Variants in MYO18A observed in about 807,000 individuals in gnomAD.
MYO18A encodes myosin XVIIIA.
In MYO18A, 78 loss-of-function variants were observed where a neutral mutation model predicts 235.8. The ratio of observed to expected loss-of-function variants is 0.33; its 90% CI spans 0.28 to 0.40. MYO18A has a LOEUF of 0.40. Among genes scored for constraint, MYO18A ranks in the 10% least tolerant of loss-of-function variants. MYO18A has a pLI of 1.00. For missense variants in MYO18A, 2,215 were observed against 2,699.3 expected (o/e 0.82, Z 3.98); for synonymous variants, 977 against 1,077.8 (o/e 0.91, Z 1.83).
rs1208639219 is a variant in MYO18A at position 29,120,474 on chromosome 17, C to G, written c.1728+142G>C. 1.8e-6 allele frequency: 2 copies of G among 1,126,842 alleles called. No individual in the cohort carries two copies. The highest frequency in any genetic ancestry group is 1.2e-6 in the Non-Finnish European group (1 of 801,920). 69.8% of individuals were successfully genotyped at this position (1,126,842 alleles called of 1,614,324 possible). On this transcript the variant is annotated intron_variant, in intron 7 of 41. Coordinates refer to ENST00000527372, the MANE Select transcript of MYO18A (RefSeq NM_078471.4). This position sits in a 1 kb window ranked among gnomAD's most constrained non-coding sequence, Gnocchi z 4.2. The stretch of plus-strand genomic sequence containing the variant: ...AGAATGGTGATGCCTCTGGATAGTG[C>G]AGGCCAACCCTGCCCATGCCTGGGT...
At position 29,117,718 on chromosome 17, in the gene MYO18A, G is replaced by A. The variant is rs1362621423; in HGVS notation, c.2038+327C>T. 1.3e-5 allele frequency among the ~76,000 whole-genome samples: 2 copies of A among 152,196 alleles called. No individual in the cohort carries two copies. The highest frequency in any genetic ancestry group is 4.8e-5 in the African/African-American group (2 of 41,446). On this transcript the variant is annotated intron_variant, in intron 10 of 41. Coordinates refer to ENST00000527372, the MANE Select transcript of MYO18A (RefSeq NM_078471.4). This position sits in a 1 kb window ranked among gnomAD's most constrained non-coding sequence, Gnocchi z 4.6. ...CTTGCTCCTCGGGGGCCTCTGTCAG[G>A]AAGGGAACAAGAAGGAGAGTTATTC...
chr17:29,090,218 GGA>G, intron 36 of MYO18A, 120 bp from the exon 37 acceptor site: 1 of 1,183,300 alleles, frequency 8.5e-7, no homozygotes. Context: ...GATGCACCTG[GGA>G]GGAAAGAGAA....
chr17:29,119,281 C>T, intron 8 of MYO18A, 54 bp downstream of exon 8: 1 of 1,389,158 alleles, frequency 7.2e-7, no homozygotes, highest in South Asian at 1.2e-5. Flanking sequence ...TCCAGGAGCC[C>T]AGTCAGTGGG....
chr17:29,098,883 G>A lies in MYO18A; in HGVS notation c.3723C>T (p.Thr1241=), dbSNP rs116421417. 60 of 1,613,956 alleles carry A rather than the reference G, an allele frequency of 3.7e-5. No homozygotes were observed. In the African/African-American group the frequency reaches 7.7e-4, roughly 21 times the overall value. Residue 1241 remains threonine (T), a synonymous_variant, in exon 23 of 42, where the codon ACC becomes ACT. Coordinates refer to ENST00000527372, the MANE Select transcript of MYO18A (RefSeq NM_078471.4). ...VKDWPWWKLF[T]TVRPLIEVQL... ...GTACTTCGATGAGGGGCCTCACTGTGGTAAAAAGCTTCCACCAGGGCCAGT... is the reference window on the plus strand; with the variant it reads ...GTACTTCGATGAGGGGCCTCACTGTAGTAAAAAGCTTCCACCAGGGCCAGT...
chr17:29,099,078 G>GC (rs925748545), intron 22 of MYO18A, 109 bp from the exon 23 acceptor site: 3 of 1,385,748 alleles, frequency 2.2e-6, no homozygotes, highest in African/African-American at 1.4e-5. Context: ...TGCTCCTCTG[G>GC]CCCCCTGACC....
rs1208466975 is a variant in MYO18A, at chr17:29,097,225, G to A, written c.4228C>T (p.Arg1410Trp). The change falls in exon 27 of 42, where the codon CGG (arginine) becomes TGG (tryptophan). Residue 1410 changes from arginine to tryptophan, a missense_variant and splice_region_variant. Transcript: ENST00000527372. The part of the protein sequence containing the change: ...EQQNKRQLER[R>W]LGDLQADSEE... ...CCTCAGCTCCTCCCCAGCCTCACCCGCCGTTCCAGCTGCCTCTTGTTCTGC... is the reference window on the plus strand; with the variant it reads ...CCTCAGCTCCTCCCCAGCCTCACCCACCGTTCCAGCTGCCTCTTGTTCTGC... The A allele has an allele frequency of 2.5e-6, 4 of 1,608,552 alleles. No homozygotes were observed. The highest frequency in any genetic ancestry group is 3.4e-6 in the Non-Finnish European group (4 of 1,179,744).
Position 29,098,964 on chromosome 17 carries a change from C to A in MYO18A, c.3642G>T (p.Gln1214His). 6.2e-7 allele frequency: 1 copy of A among 1,613,254 alleles called. No individual in the cohort carries two copies. Residue 1214 changes from glutamine (Q) to histidine (H), a missense_variant, in exon 23 of 42, where the codon CAG becomes CAT. Physicochemically the swap from Gln to His is conservative, Grantham distance 24 (BLOSUM62 0). Coordinates refer to ENST00000527372, the MANE Select transcript of MYO18A (RefSeq NM_078471.4). ...TCTGTACACAGCGAATGGCCAGGTC[C>A]TGGATCTGCAGGTGGGGTGGGGGTG... ...ARQHFKKRKI[Q>H]DLAIRCVQKN...
At position 29,125,513 on chromosome 17, in the gene MYO18A, C is replaced by T. The variant is rs1388579900; in HGVS notation, c.1000-3260G>A. On this transcript the variant is annotated intron_variant, in intron 2 of 41. Coordinates refer to ENST00000527372, the MANE Select transcript of MYO18A (RefSeq NM_078471.4). The surrounding 1 kb of genome is among the most constrained non-coding windows in gnomAD (Gnocchi z 5.1). ...GACTTGGATGTTACCTGTTAGAAAT[C>T]GGCAAGGAGTTATCAGGCCCCACCT... Among the ~76,000 whole-genome samples the T allele has an allele frequency of 1.3e-5, 2 of 152,242 alleles. No individual in the cohort carries two copies. The highest frequency in any genetic ancestry group is 2.4e-5 in the African/African-American group (1 of 41,454).
chr17:29,099,058 C>T (rs1020206106), intron 22 of MYO18A, 89 bp from the exon 23 acceptor site: 6 of 1,517,674 alleles, frequency 4.0e-6, no homozygotes, highest in Admixed American at 1.8e-5. Context: ...CCAGCACAGG[C>T]CCCCAGGGCT....
rs1255180541 is a variant in MYO18A, at chr17:29,166,181, C to T, written c.760G>A (p.Val254Ile). 1 of 1,612,960 alleles carries T rather than the reference C, an allele frequency of 6.2e-7. No individual in the cohort carries two copies. Among genetic ancestry groups the T allele is most frequent in the Non-Finnish European group, 8.5e-7 (1 of 1,179,896 alleles). Residue 254 changes from valine to isoleucine, a missense_variant, in exon 2 of 42, where the codon GTC (valine) becomes ATC (isoleucine). Val to Ile is a conservative substitution (Grantham distance 29). Transcript: ENST00000527372. ...CCTGCACCAGGCTCAGCAAAGTGGACCACACGCCGACAGGCCTGGCCCTCG... is the reference window on the plus strand; with the variant it reads ...CCTGCACCAGGCTCAGCAAAGTGGATCACACGCCGACAGGCCTGGCCCTCG... ...GPEGQACRRV[V>I]HFAEPGAGTK...
rs1334513180 is a variant in MYO18A, at chr17:29,126,850, C to G, written c.1000-4597G>C. Among the ~76,000 whole-genome samples, 1 of 152,228 alleles carries G rather than the reference C, an allele frequency of 6.6e-6. No homozygotes were observed. Among genetic ancestry groups the G allele is most frequent in the Non-Finnish European group, 1.5e-5 (1 of 68,034 alleles). On this transcript the variant is annotated intron_variant, in intron 2 of 41. Transcript: ENST00000527372. The surrounding 1 kb of genome is among the most constrained non-coding windows in gnomAD (Gnocchi z 4.1). ...CTGACCCTCCCTCCTGCTTCTCAGCCTCCTGCCCCACCCAGAGAACACTTT... is the reference window on the plus strand; with the variant it reads ...CTGACCCTCCCTCCTGCTTCTCAGCGTCCTGCCCCACCCAGAGAACACTTT...
intron 26 of MYO18A, among the ~76,000 whole-genome samples, 189 bp from the exon 27 acceptor site, chr17:29,097,539 T>C (rs1210671946): frequency 6.6e-6 from 1 of 152,240 alleles, no homozygotes; most frequent in African/African-American, 2.4e-5. Flanking sequence ...GCATGAGATG[T>C]GGCTACATGT....
chr17:29,118,827 C>T lies in MYO18A; in HGVS notation c.1830-387G>A, dbSNP rs1189204035. ...CATTTATCTCTTTTTAGTGAACACA[C>T]GCGGCAAATCTGAATGTCTGAAGGG... On this transcript the variant is annotated intron_variant, in intron 8 of 41. Transcript: ENST00000527372. The surrounding 1 kb of genome is among the most constrained non-coding windows in gnomAD (Gnocchi z 4.2). 6.6e-6 allele frequency among the ~76,000 whole-genome samples: 1 copy of T among 152,208 alleles called. No individual in the cohort carries two copies. The highest frequency in any genetic ancestry group is 1.5e-5 in the Non-Finnish European group (1 of 68,038).
At chr17:29,079,979 G>A (rs114321255) in intron 41 of MYO18A, 31 of 986,002 alleles carry the variant, frequency 3.1e-5, no homozygotes, top group South Asian at 4.7e-5. Flanking sequence ...TTCCGAGAGC[G>A]CCCCTTCTTC....
intron 2 of MYO18A, among the ~76,000 whole-genome samples, chr17:29,146,954 C>A (rs1373363263): frequency 6.6e-6 from 1 of 152,222 alleles, no homozygotes; most frequent in East Asian, 1.9e-4. Flanking sequence ...ACACACCAAG[C>A]ACTAGCCATG....
intron 1 of MYO18A, among the ~76,000 whole-genome samples, chr17:29,173,171 T>C (rs182129708): frequency 6.6e-6 from 1 of 151,958 alleles, no homozygotes; most frequent in Non-Finnish European, 1.5e-5. Flanking sequence ...TTCAGCTCAC[T>C]GCAATCCGCC....
rs1168916462 is a variant in MYO18A, at chr17:29,106,510, G to A, written c.3441+570C>T. Among the ~76,000 whole-genome samples, 1 of 152,182 alleles carries A rather than the reference G, an allele frequency of 6.6e-6. No individual in the cohort carries two copies. Among genetic ancestry groups the A allele is most frequent in the African/African-American group, 2.4e-5 (1 of 41,460 alleles). ...ATGCCTGAGGCCCGAGCACAGTAAA[G>A]GAGGGGTCCTCTGCTCTGGGAGCCC... On this transcript the variant is annotated intron_variant, in intron 20 of 41. Coordinates refer to ENST00000527372, the MANE Select transcript of MYO18A (RefSeq NM_078471.4). The surrounding 1 kb of genome is among the most constrained non-coding windows in gnomAD (Gnocchi z 4.6).
At chr17:29,130,486 A>G (rs879286888) in intron 2 of MYO18A, among the ~76,000 whole-genome samples, 1 of 80,452 alleles carries the variant, frequency 1.2e-5, no homozygotes, top group Non-Finnish European at 2.6e-5. Flanking sequence ...ACACACACAC[A>G]CACACACACA....
chr17:29,133,940 CTG>C lies in MYO18A; in HGVS notation c.1000-11689_1000-11688del, dbSNP rs992271487. 2.9e-6 allele frequency: 3 copies of C among 1,050,724 alleles called. No homozygotes were observed. In the African/African-American group the frequency reaches 5.0e-5, roughly 17 times the overall value. The allele number at this position is 1,050,724 out of a possible 1,614,324, so 65.1% of individuals were successfully genotyped here. ...AGGCCAGAACCTGCCAGGATAAACA[CTG>C]TGGGCAACAAGGGGAAAGGAGGGAT... On this transcript the variant is annotated intron_variant, in intron 2 of 41. Transcript: ENST00000527372.
Sources: allele counts gnomAD v4.1 joint callset (sites outside exome capture counted in the v4.1 genomes callset), GRCh38; gene constraint gnomAD v4.1.1; non-coding constraint Gnocchi (gnomAD v3.1); transcripts MANE v1.5; gene names NCBI Gene and HGNC (gene_info 2026-07-23, HGNC 2026-07-21).